Variants in LYPD6B observed in about 807,000 individuals in gnomAD.
LYPD6B encodes the protein LY6/PLAUR domain containing 6B.
In LYPD6B, 17 loss-of-function variants were observed where a neutral mutation model predicts 22.8. The observed-to-expected ratio is 0.75, with a 90% CI of 0.51 to 1.12. LYPD6B has a LOEUF of 1.12. LYPD6B is among the 50% of genes most tolerant of loss of function. The pLI is 0.00. For synonymous variants in LYPD6B, 106 were observed against 91.6 expected (o/e 1.16, Z -0.90); for missense variants, 221 against 258.3 (o/e 0.86, Z 0.99).
chr2:149,078,501 C>T (rs1342337502), intron 1 of LYPD6B, among the ~76,000 whole-genome samples: 2 of 152,150 alleles, frequency 1.3e-5, no homozygotes, highest in Non-Finnish European at 2.9e-5. Context: ...TTGTCTCCTT[C>T]CATGGTTGCC....
Position 149,208,359 on chromosome 2 carries a change from C to T in LYPD6B, c.275C>T (p.Ala92Val), listed in dbSNP as rs758922359. 2 of 1,613,726 alleles carry T rather than the reference C, an allele frequency of 1.2e-6. No homozygotes were observed. The highest frequency in any genetic ancestry group is 2.7e-5 in the African/African-American group (2 of 75,038). The change falls in exon 5 of 7, where the codon GCA (alanine) becomes GTA (valine). Residue 92 changes from alanine (A) to valine (V), a missense_variant. Ala to Val is a moderately conservative substitution (Grantham distance 64, BLOSUM62 0). Transcript: ENST00000409642. ...TTCAAGTGCTTTACTTGTGAAAACG[C>T]AGGGGATAATTATAACTGCAATCGA... ...NSFKCFTCEN[A>V]GDNYNCNRWA...
At chr2:149,113,931 C>T (rs11903163) in intron 1 of LYPD6B, among the ~76,000 whole-genome samples, 47,007 of 151,990 alleles carry the variant, frequency 0.31, 7,811 homozygotes, top group Non-Finnish European at 0.36. Context: ...GGACTGAAAA[C>T]GCTTGTCCAT....
intron 2 of LYPD6B, among the ~76,000 whole-genome samples, chr2:149,146,489 A>G (rs1335110101): frequency 6.6e-6 from 1 of 152,082 alleles, no homozygotes; most frequent in Non-Finnish European, 1.5e-5. Context: ...GCAGGATGGG[A>G]GGTAGGCAGC....
At chr2:149,162,837 T>C (rs1432748490) in intron 3 of LYPD6B, among the ~76,000 whole-genome samples, 1 of 152,158 alleles carries the variant, frequency 6.6e-6, no homozygotes, top group Non-Finnish European at 1.5e-5. Context: ...TAATGGCTGC[T>C]GAGTACTCTA....
At chr2:149,160,365 G>T (rs1390203619) in intron 2 of LYPD6B, 2 of 453,076 alleles carry the variant, frequency 4.4e-6, no homozygotes, top group Admixed American at 4.7e-5. Context: ...CTTCATTGTG[G>T]ATGTGTTGAA....
intron 5 of LYPD6B, among the ~76,000 whole-genome samples, chr2:149,211,850 G>T (rs925230267): frequency 6.6e-6 from 1 of 152,068 alleles, no homozygotes; most frequent in Admixed American, 6.6e-5. Flanking sequence ...CTAGGATATT[G>T]AATGAAACTT....
At chr2:149,188,611 G>A (rs1406773502) in intron 3 of LYPD6B, 2 of 597,586 alleles carry the variant, frequency 3.3e-6, no homozygotes, top group African/African-American at 4.0e-5. Context: ...TCAACACCCA[G>A]TAAAGTTGAG....
intron 1 of LYPD6B, among the ~76,000 whole-genome samples, chr2:149,085,068 G>A (rs1039802275): frequency 9.2e-5 from 14 of 152,288 alleles, no homozygotes; most frequent in South Asian, 4.1e-4. Context: ...AGCATCTCAC[G>A]CTCTCTGAGC....
chr2:149,183,328 T>C (rs1449140419), intron 3 of LYPD6B, among the ~76,000 whole-genome samples: 2 of 152,210 alleles, frequency 1.3e-5, no homozygotes, highest in Admixed American at 6.5e-5. Context: ...CTCAGCAAGA[T>C]ACCTGGTCAT....
At chr2:149,051,225 G>A (rs1267347250) in intron 1 of LYPD6B, among the ~76,000 whole-genome samples, 2 of 151,890 alleles carry the variant, frequency 1.3e-5, no homozygotes, top group Non-Finnish European at 2.9e-5. Context: ...GAGTGCAGTG[G>A]CACGAACTTG....
intron 1 of LYPD6B, among the ~76,000 whole-genome samples, chr2:149,126,200 G>T (rs1469127625): frequency 6.6e-6 from 1 of 152,120 alleles, no homozygotes; most frequent in Non-Finnish European, 1.5e-5. Flanking sequence ...TAATATTGTG[G>T]TTGCTTTTGG....
chr2:149,078,560 A>C (rs912010981), intron 1 of LYPD6B, among the ~76,000 whole-genome samples: 4 of 152,166 alleles, frequency 2.6e-5, no homozygotes, highest in Non-Finnish European at 5.9e-5. Context: ...CCTAAGAGGA[A>C]CTCATTTCAA....
chr2:149,086,565 C>T (rs1370029645), intron 1 of LYPD6B, among the ~76,000 whole-genome samples: 2 of 152,114 alleles, frequency 1.3e-5, no homozygotes, highest in Non-Finnish European at 2.9e-5. Flanking sequence ...CCCATCAGAG[C>T]CAGGACAAAG....
At chr2:149,106,189 C>T (rs1686463086) in intron 1 of LYPD6B, among the ~76,000 whole-genome samples, 1 of 151,872 alleles carries the variant, frequency 6.6e-6, no homozygotes, top group East Asian at 1.9e-4. Flanking sequence ...ATTCAATTTG[C>T]AAAAATTTGT....
At chr2:149,066,859 A>G (rs780980092) in intron 1 of LYPD6B, among the ~76,000 whole-genome samples, 4 of 151,848 alleles carry the variant, frequency 2.6e-5, no homozygotes, top group Non-Finnish European at 5.9e-5. Context: ...AGTTTGTTAC[A>G]TGGGTATACT....
intron 1 of LYPD6B, among the ~76,000 whole-genome samples, chr2:149,050,426 A>C (rs985223112): frequency 1.3e-5 from 2 of 152,126 alleles, no homozygotes; most frequent in Non-Finnish European, 2.9e-5. Context: ...CAGAAGCCAG[A>C]TATTACATCA....
intron 1 of LYPD6B, among the ~76,000 whole-genome samples, chr2:149,043,593 A>G (rs771320613): frequency 1.4e-4 from 22 of 152,132 alleles, no homozygotes; most frequent in Non-Finnish European, 3.1e-4. Flanking sequence ...CTGCCTTGTC[A>G]TTTTTATTCC....
At chr2:149,058,107 G>A (rs972466068) in intron 1 of LYPD6B, among the ~76,000 whole-genome samples, 1 of 152,146 alleles carries the variant, frequency 6.6e-6, no homozygotes, top group South Asian at 2.1e-4. Context: ...TGTGACCTTG[G>A]ATGAGTTACC....
At chr2:149,181,149 T>A (rs920125403) in intron 3 of LYPD6B, among the ~76,000 whole-genome samples, 2 of 152,150 alleles carry the variant, frequency 1.3e-5, no homozygotes, top group African/African-American at 4.8e-5. Context: ...CTTCATCTGT[T>A]GGAACTCCAG....
Sources: allele counts gnomAD v4.1 joint callset (sites outside exome capture counted in the v4.1 genomes callset), GRCh38; gene constraint gnomAD v4.1.1; transcripts MANE v1.5; gene names NCBI Gene and HGNC (gene_info 2026-07-23, HGNC 2026-07-21).